Variants in ANKS1A observed in about 807,000 individuals in gnomAD.
ANKS1A encodes ankyrin repeat and sterile alpha motif domain containing 1A.
A neutral mutation model predicts 120.3 loss-of-function variants in ANKS1A; 55 were observed. The ratio of observed to expected loss-of-function variants is 0.46; its 90% confidence interval spans 0.37 to 0.57. The LOEUF (loss-of-function observed/expected upper bound fraction) is 0.57, where lower values mean the gene tolerates loss of function less well. Ranked by LOEUF, ANKS1A falls within the 20% of genes least tolerant of loss-of-function variation. The probability of loss-of-function intolerance (pLI) is 0.00; values close to 1 mark genes in which losing one functional copy is unlikely to be tolerated. For synonymous variants in ANKS1A, 590 were observed against 604.7 expected (o/e 0.98, Z 0.36); for missense variants, 1,123 against 1,480.3 (o/e 0.76, Z 3.96).
chr6:35,094,856 C>G (rs1196613242), downstream of ANKS1A, among the ~76,000 whole-genome samples: 1 of 152,082 alleles, frequency 6.6e-6, no homozygotes, highest in Non-Finnish European at 1.5e-5. Context: ...AGAAAATACT[C>G]GAGGCCGGGT....
chr6:34,925,624 A>G (rs761029579), intron 1 of ANKS1A, among the ~76,000 whole-genome samples: 3 of 152,164 alleles, frequency 2.0e-5, no homozygotes, highest in Non-Finnish European at 4.4e-5. Flanking sequence ...TGTCCATAGA[A>G]CCCTGAGAAT....
At chr6:34,892,667 A>G (rs1766880478) in intron 1 of ANKS1A, among the ~76,000 whole-genome samples, 1 of 152,176 alleles carries the variant, frequency 6.6e-6, no homozygotes, top group Admixed American at 6.6e-5. Flanking sequence ...TCCTCTACAC[A>G]GCTTGGGCTT....
chr6:35,054,429 C>T (rs1005868427), intron 12 of ANKS1A, among the ~76,000 whole-genome samples: 10 of 152,182 alleles, frequency 6.6e-5, no homozygotes, highest in African/African-American at 2.2e-4. Context: ...ATTTTTAGAT[C>T]AACAATCGTA....
chr6:34,919,971 A>G (rs7752468), intron 1 of ANKS1A, among the ~76,000 whole-genome samples: 19,601 of 151,818 alleles, frequency 0.13, 1,980 homozygotes, highest in African/African-American at 0.27. Context: ...CTGTTTGCTT[A>G]TTTCTACCCA....
chr6:34,952,733 G>A (rs527514867), intron 1 of ANKS1A, among the ~76,000 whole-genome samples: 5 of 149,000 alleles, frequency 3.4e-5, no homozygotes, highest in South Asian at 2.1e-4. Context: ...TTTCCAAGAC[G>A]GAATCTCACT....
chr6:34,940,288 G>A (rs996477594), intron 1 of ANKS1A, among the ~76,000 whole-genome samples: 13 of 152,132 alleles, frequency 8.5e-5, no homozygotes, highest in Middle Eastern at 3.2e-3. Flanking sequence ...TCACTGACCC[G>A]AAGATGGAAC....
intron 1 of ANKS1A, among the ~76,000 whole-genome samples, chr6:34,891,015 C>A (rs901707865): frequency 3.9e-5 from 6 of 152,148 alleles, no homozygotes; most frequent in African/African-American, 1.4e-4. Flanking sequence ...AGTTGCAGGA[C>A]AATAAATTTC....
chr6:34,917,332 G>C (rs1768216054), intron 1 of ANKS1A, among the ~76,000 whole-genome samples: 1 of 152,198 alleles, frequency 6.6e-6, no homozygotes, highest in Non-Finnish European at 1.5e-5. Flanking sequence ...TGTGTAGTTT[G>C]TGGAGAGGCA....
chr6:35,059,996 G>A (rs190248170), intron 12 of ANKS1A, 151 bp from the exon 13 acceptor site: 14 of 598,618 alleles, frequency 2.3e-5, no homozygotes, highest in African/African-American at 2.2e-4. Flanking sequence ...GGAGCTGCGT[G>A]TCTGCTGCTC....
chr6:34,958,627 A>G (rs775993802), intron 1 of ANKS1A, among the ~76,000 whole-genome samples: 18 of 152,176 alleles, frequency 1.2e-4, no homozygotes, highest in Non-Finnish European at 2.2e-4. Flanking sequence ...CTTCAGCGGC[A>G]TACAGGACCC....
intron 1 of ANKS1A, among the ~76,000 whole-genome samples, chr6:34,891,393 G>GT: frequency 6.6e-6 from 1 of 152,322 alleles, no homozygotes; most frequent in Middle Eastern, 3.4e-3. Context: ...CAACTTACAG[G>GT]TGTTTAATAA....
At chr6:35,097,278 G>C in the ANKS1A span, among the ~76,000 whole-genome samples, 2 of 125,346 alleles carry the variant, frequency 1.6e-5, no homozygotes, top group Non-Finnish European at 3.5e-5. Context: ...GGAGGCCGAG[G>C]CAGACAGCTC....
rs780759520 is a variant in ANKS1A at position 35,089,799 on chromosome 6, A to C, written c.*1190A>C. 2.5e-5 allele frequency: 26 copies of C among 1,023,494 alleles called. No homozygotes were observed. In the African/African-American group the frequency reaches 4.3e-4, roughly 17 times the overall value. 63.4% of individuals were successfully genotyped at this position (1,023,494 alleles called of 1,614,324 possible). A position where few individuals can be genotyped will look rare whatever the true frequency, so the allele number is the denominator to read the frequency against. On this transcript the variant is annotated 3_prime_UTR_variant, in exon 24 of 24. Transcript: ENST00000360359. The stretch of plus-strand genomic sequence containing the variant: ...GGACTAGAGTAGAAATGCAGGGGAA[A>C]CTGCTGTGGATTTGAGAGGCAAAGT...
intron 1 of ANKS1A, among the ~76,000 whole-genome samples, chr6:34,963,880 T>A (rs1020297205): frequency 2.6e-5 from 4 of 152,214 alleles, no homozygotes; most frequent in African/African-American, 9.6e-5. Context: ...TGTTGAGCAT[T>A]TTTTCATATA....
intron 1 of ANKS1A, among the ~76,000 whole-genome samples, chr6:34,942,932 C>T (rs900834916): frequency 6.6e-6 from 1 of 150,464 alleles, no homozygotes; most frequent in African/African-American, 2.4e-5. Context: ...CTTCCCTTCC[C>T]CCTCCTTTTC....
intron 11 of ANKS1A, among the ~76,000 whole-genome samples, chr6:35,046,786 A>G (rs1163242345): frequency 6.6e-6 from 1 of 152,174 alleles, no homozygotes; most frequent in Admixed American, 6.5e-5. Flanking sequence ...AATTTATACA[A>G]AGTGAAATCC....
chr6:34,926,353 C>T (rs1003924966), intron 1 of ANKS1A, among the ~76,000 whole-genome samples: 26 of 152,078 alleles, frequency 1.7e-4, no homozygotes, highest in African/African-American at 5.8e-4. Flanking sequence ...ACTGTGAGGG[C>T]CACCTGAGGC....
chr6:34,909,959 G>T (rs1376988072), intron 1 of ANKS1A, among the ~76,000 whole-genome samples: 2 of 152,196 alleles, frequency 1.3e-5, no homozygotes, highest in African/African-American at 4.8e-5. Context: ...AGGAGGGAGA[G>T]GGGTTCTGTG....
chr6:34,975,873 C>T (rs1323281951), intron 3 of ANKS1A, among the ~76,000 whole-genome samples: 1 of 151,870 alleles, frequency 6.6e-6, no homozygotes, highest in African/African-American at 2.4e-5. Flanking sequence ...CATGGTGACT[C>T]ACACCTGTAA....
Sources: gnomAD v4.1 joint callset for allele counts (sites outside exome capture counted in the v4.1 genomes callset) on GRCh38, gnomAD v4.1.1 for gene constraint, MANE v1.5 for transcripts, NCBI Gene and HGNC (gene_info 2026-07-23, HGNC 2026-07-21) for gene names.